Variants in BCL9L observed in about 807,000 individuals in gnomAD.
BCL9L encodes the protein B-cell CLL/lymphoma 9-like protein.
A neutral mutation model predicts 99.4 loss-of-function variants in BCL9L; 19 were observed. That is an observed-to-expected ratio of 0.19 (90% confidence interval 0.13 to 0.28). The LOEUF (loss-of-function observed/expected upper bound fraction) is 0.28. Among genes scored for constraint, BCL9L ranks in the 10% least tolerant of loss-of-function variants. The pLI, the probability that BCL9L is intolerant of heterozygous loss-of-function variation, is 1.00. For missense variants in BCL9L, 2,023 were observed against 2,101.6 expected (o/e 0.96, Z 0.73); for synonymous variants, 900 against 854.8 (o/e 1.05, Z -0.92).
Position 118,912,663 on chromosome 11 carries a change from ACAT to A in BCL9L, c.-76-2651_-76-2649del, listed in dbSNP as rs1940842203. ...TACCACAGGTAGGGCAGGCGTTCAC[ACAT>A]CCAGTGGCAACCTGCCTGCTCCTAG... On this transcript the variant is annotated intron_variant, in intron 2 of 9. Transcript: ENST00000683865. 2.6e-5 allele frequency among the ~76,000 whole-genome samples: 4 copies of A among 152,272 alleles called. No individual in the cohort carries two copies. In the South Asian group the frequency reaches 8.3e-4, roughly 32 times the overall value.
intron 5 of BCL9L, among the ~76,000 whole-genome samples, chr11:118,906,890 A>G (rs1940544901): frequency 2.0e-5 from 3 of 152,156 alleles, no homozygotes; most frequent in African/African-American, 7.2e-5. Flanking sequence ...GAAAAAAAAT[A>G]TGTACAAGCT....
Position 118,902,423 on chromosome 11 carries a change from C to T in BCL9L, c.1320G>A (p.Glu440=), listed in dbSNP as rs756122924. 2.2e-5 allele frequency: 35 copies of T among 1,584,584 alleles called. No homozygotes were observed. The African/African-American group carries it at 3.4e-4, about 15-fold the overall frequency. ...GGGGGGCTTGTGCTGGTGGGCCCCC[C>T]TCACCCGCTCCTCCTGGGGGCCCCT... is the stretch of plus-strand genomic sequence containing the variant. The part of the protein sequence containing the change: ...FLKGPPGGAG[E]GGPPAQAPPP... The change falls in exon 8 of 10, where the codon GAG becomes GAA. Residue 440 remains glutamate (E), a synonymous_variant. Transcript: ENST00000683865. The surrounding 1 kb of genome is among the most constrained non-coding windows in gnomAD (Gnocchi z 7.8).
intron 2 of BCL9L, among the ~76,000 whole-genome samples, chr11:118,918,461 C>T (rs937642612): frequency 3.3e-5 from 5 of 151,956 alleles, no homozygotes; most frequent in Non-Finnish European, 7.4e-5. Context: ...GTACCTTGCC[C>T]TCCAGGGCGA....
Position 118,898,376 on chromosome 11 carries a change from T to A in BCL9L, c.*39A>T. The A allele has an allele frequency of 6.4e-7, 1 of 1,554,954 alleles. No homozygotes were observed. Among genetic ancestry groups the A allele is most frequent in the South Asian group, 1.2e-5 (1 of 84,378 alleles). The stretch of plus-strand genomic sequence containing the variant: ...GAAGAACTTTGTTAAGGTTATCGTA[T>A]TTGCAACATTGCCCCGGCTCCAGCC... On this transcript the variant is annotated 3_prime_UTR_variant, in exon 10 of 10. Coordinates refer to ENST00000683865, the MANE Select transcript of BCL9L (RefSeq NM_001378213.1).
Position 118,897,016 on chromosome 11 carries a change from T to C in BCL9L, c.*1399A>G, listed in dbSNP as rs1044125012. Reference sequence around the variant, plus strand: ...CCAAGGGGGAGGCAGTGGCTGTGCCTGGGTGGGCACAGACAGATCTGGTAC... The same window carrying C: ...CCAAGGGGGAGGCAGTGGCTGTGCCCGGGTGGGCACAGACAGATCTGGTAC... On this transcript the variant is annotated 3_prime_UTR_variant, in exon 10 of 10. Coordinates refer to ENST00000683865, the MANE Select transcript of BCL9L (RefSeq NM_001378213.1). 1.3e-5 allele frequency: 2 copies of C among 152,930 alleles called. No homozygotes were observed. Among genetic ancestry groups the C allele is most frequent in the African/African-American group, 2.4e-5 (1 of 41,428 alleles). The allele number at this position is 152,930 out of a possible 1,614,324, so 9.5% of individuals were successfully genotyped here.
rs761177628 is a variant in BCL9L, at chr11:118,898,800, G to C, written c.4115C>G (p.Ser1372Cys). The change falls in exon 10 of 10, where the codon TCT becomes TGT. Residue 1372 changes from serine to cysteine, a missense_variant. Coordinates refer to ENST00000683865, the MANE Select transcript of BCL9L (RefSeq NM_001378213.1). ...CTGGCCTGGGAGGTTGGGAGGCCGA[G>C]AGGGAGTCTGCTCCGCCATCATGTT... Reference protein sequence around the residue: ...LQNMMAEQTPSRPPNLPGQQG... With the variant: ...LQNMMAEQTPCRPPNLPGQQG... 5.6e-6 allele frequency: 9 copies of C among 1,613,932 alleles called. No individual in the cohort carries two copies. The highest frequency in any genetic ancestry group is 7.6e-6 in the Non-Finnish European group (9 of 1,180,016).
rs1402049171 is a variant in BCL9L at position 118,902,398 on chromosome 11, G to A, written c.1345C>T (p.Pro449Ser). The stretch of plus-strand genomic sequence containing the variant: ...GCCGTGGGTGGCTGCTGGGGGGGAG[G>A]GGGGGCTTGTGCTGGTGGGCCCCCC... ...GEGGPPAQAP[P>S]PPQQPPTAPP... Residue 449 changes from proline (P) to serine (S), a missense_variant, in exon 8 of 10, where the codon CCT (proline) becomes TCT (serine). Physicochemically the swap from Pro to Ser is moderately conservative, Grantham distance 74. Around this residue, in one of 3 missense-constraint regions of BCL9L, gnomAD observed 1,116 missense variants for 1,194.6 expected, o/e 0.93. Coordinates refer to ENST00000683865, the MANE Select transcript of BCL9L (RefSeq NM_001378213.1). The surrounding 1 kb of genome is among the most constrained non-coding windows in gnomAD (Gnocchi z 7.8). 4 of 1,553,998 alleles carry A rather than the reference G, an allele frequency of 2.6e-6. No homozygotes were observed. The highest frequency in any genetic ancestry group is 1.4e-5 in the African/African-American group (1 of 72,938).
rs1941267570 is a variant in BCL9L, at chr11:118,925,909, C to T, written c.-802G>A. On this transcript the variant is annotated 5_prime_UTR_variant, in exon 1 of 10. Coordinates refer to ENST00000683865, the MANE Select transcript of BCL9L (RefSeq NM_001378213.1). The surrounding 1 kb of genome is among the most constrained non-coding windows in gnomAD (Gnocchi z 6.4). ...GCCTCGCTTGCCCCTCCACTCGGCT[C>T]CACTCCCCAGCCTGAATAAGCATCG... 6.6e-6 allele frequency among the ~76,000 whole-genome samples: 1 copy of T among 152,092 alleles called. No individual in the cohort carries two copies.
rs951926541 is a variant in BCL9L at position 118,908,615 on chromosome 11, G to A, written c.67C>T (p.Pro23Ser). The A allele has an allele frequency of 1.2e-6, 2 of 1,612,854 alleles. No homozygotes were observed. The highest frequency in any genetic ancestry group is 2.2e-5 in the East Asian group (1 of 44,882). The change falls in exon 4 of 10, where the codon CCG becomes TCG. Residue 23 changes from proline to serine, a missense_variant. By Grantham distance (74) the Pro-to-Ser change is moderately conservative. This residue lies in a region of BCL9L where 1,116 missense variants were observed against 1,194.6 expected (regional missense o/e 0.93). Transcript: ENST00000683865. ...PRRREAPGSP[P>S]LSPRGHCPPA... ...GGGCAATGACCGCGGGGGGACAGCGGCGGGCTCCCTGGAGCTTCTCTCCTC... is the reference window on the plus strand; with the variant it reads ...GGGCAATGACCGCGGGGGGACAGCGACGGGCTCCCTGGAGCTTCTCTCCTC...
intron 2 of BCL9L, among the ~76,000 whole-genome samples, chr11:118,916,981 G>A (rs1940983138): frequency 1.3e-5 from 2 of 152,224 alleles, no homozygotes; most frequent in African/African-American, 2.4e-5. Context: ...GAGCTGAACT[G>A]AGCAAACAGC....
chr11:118,898,314 C>CCCCCCCCCCCCCCCCCCCCCCCA lies in BCL9L; in HGVS notation c.*100_*101insTGGGGGGGGGGGGGGGGGGGGGG. On this transcript the variant is annotated 3_prime_UTR_variant, in exon 10 of 10. Coordinates refer to ENST00000683865, the MANE Select transcript of BCL9L (RefSeq NM_001378213.1). ...CACAAGCCCCCTCCCACCCCCTCCA[C>CCCCCCCCCCCCCCCCCCCCCCCA]CCCACCCCGCGACCCAGGCCATCCC... 1 of 804,900 alleles carries CCCCCCCCCCCCCCCCCCCCCCCA rather than the reference C, an allele frequency of 1.2e-6. No individual in the cohort carries two copies. 49.9% of individuals were successfully genotyped at this position (804,900 alleles called of 1,614,324 possible).
chr11:118,922,235 G>A lies in BCL9L; in HGVS notation c.-131+3003C>T, dbSNP rs905759014. Among the ~76,000 whole-genome samples, 4 of 152,186 alleles carry A rather than the reference G, an allele frequency of 2.6e-5. No individual in the cohort carries two copies. Among genetic ancestry groups the A allele is most frequent in the Admixed American group, 6.5e-5 (1 of 15,288 alleles). ...CACCAGGCAGAGGAAATTCCAGGCT[G>A]TAAGTCCAGGCAGCCTTCAGGGCCG... On this transcript the variant is annotated intron_variant, in intron 1 of 9. Transcript: ENST00000683865. The surrounding 1 kb of genome is among the most constrained non-coding windows in gnomAD (Gnocchi z 6.2).
intron 2 of BCL9L, among the ~76,000 whole-genome samples, chr11:118,915,121 G>A (rs915577058): frequency 3.9e-5 from 6 of 151,924 alleles, no homozygotes; most frequent in East Asian, 1.9e-4. Context: ...GCAACAGAGC[G>A]AGACTGTCTC....
chr11:118,922,439 C>A lies in BCL9L; in HGVS notation c.-131+2799G>T, dbSNP rs1941167786. ...CGGCTCCTCTGGCCAGTTAGAGCTT[C>A]CCTTCCTCAGTTCCCTGAGGGCAGC... On this transcript the variant is annotated intron_variant, in intron 1 of 9. Transcript: ENST00000683865. This position sits in a 1 kb window ranked among gnomAD's most constrained non-coding sequence, Gnocchi z 6.2. Among the ~76,000 whole-genome samples the A allele has an allele frequency of 6.6e-6, 1 of 152,214 alleles. No homozygotes were observed. The highest frequency in any genetic ancestry group is 1.5e-5 in the Non-Finnish European group (1 of 68,016).
At chr11:118,924,663 A>G (rs1337912078) in intron 1 of BCL9L, among the ~76,000 whole-genome samples, 1 of 152,142 alleles carries the variant, frequency 6.6e-6, no homozygotes, top group Middle Eastern at 3.2e-3. Context: ...TCCCCTTAGC[A>G]GCGCAGGGAC....
chr11:118,924,611 A>G (rs1941234712), intron 1 of BCL9L, among the ~76,000 whole-genome samples: 1 of 152,096 alleles, frequency 6.6e-6, no homozygotes. Context: ...CTCTTCCTAC[A>G]TTCTTCCCCG....
At position 118,914,694 on chromosome 11, in the gene BCL9L, G is replaced by A. The variant is rs567628532; in HGVS notation, c.-77+4132C>T. Among the ~76,000 whole-genome samples, 2 of 152,208 alleles carry A rather than the reference G, an allele frequency of 1.3e-5. No homozygotes were observed. Among genetic ancestry groups the A allele is most frequent in the Non-Finnish European group, 2.9e-5 (2 of 68,042 alleles). On this transcript the variant is annotated intron_variant, in intron 2 of 9. Transcript: ENST00000683865. The surrounding 1 kb of genome is among the most constrained non-coding windows in gnomAD (Gnocchi z 4.4). ...TCAGGCAAGAAAGGCTTAGGGGATT[G>A]TGAGAGCAGTGACAGGCAGGGTCCC...
intron 5 of BCL9L, among the ~76,000 whole-genome samples, chr11:118,906,962 C>T (rs555757816): frequency 3.3e-5 from 5 of 152,314 alleles, no homozygotes; most frequent in East Asian, 1.9e-4. Flanking sequence ...AAGATATAGG[C>T]GAATCCATAA....
rs146716235 is a variant in BCL9L, at chr11:118,900,120, C to G, written c.3203G>C (p.Ser1068Thr). The G allele has an allele frequency of 2.3e-5, 37 of 1,613,438 alleles. No homozygotes were observed. Among genetic ancestry groups the G allele is most frequent in the Non-Finnish European group, 2.9e-5 (34 of 1,179,760 alleles). Residue 1068 changes from serine (S) to threonine (T), a missense_variant, in exon 9 of 10, where the codon AGC (serine) becomes ACC (threonine). Physicochemically the swap from Ser to Thr is moderately conservative, Grantham distance 58. Around this residue, in one of 3 missense-constraint regions of BCL9L, gnomAD observed 902 missense variants for 888.2 expected, o/e 1.02. Transcript: ENST00000683865. The surrounding 1 kb of genome is among the most constrained non-coding windows in gnomAD (Gnocchi z 5.3). Reference protein sequence around the residue: ...ANPPSGLMNPSLPFTSSPDPT... With the variant: ...ANPPSGLMNPTLPFTSSPDPT... Reference sequence around the variant, plus strand: ...GTCTGGGGAGGAAGTGAATGGTAGGCTGGGGTTCATGAGGCCGCTGGGAGG... The same window carrying G: ...GTCTGGGGAGGAAGTGAATGGTAGGGTGGGGTTCATGAGGCCGCTGGGAGG...
Sources: gnomAD v4.1 joint callset for allele counts (sites outside exome capture counted in the v4.1 genomes callset) on GRCh38, gnomAD v4.1.1 for gene constraint, gnomAD v4.1.1 regional missense constraint, Gnocchi (gnomAD v3.1) non-coding constraint, MANE v1.5 for transcripts, NCBI Gene and HGNC (gene_info 2026-07-23, HGNC 2026-07-21) for gene names.